MTBP: variants seen among roughly 807,000 people sequenced by gnomAD.
The protein encoded by MTBP is MDM2 binding protein.
A neutral mutation model predicts 117.0 loss-of-function variants in MTBP; 101 were observed. The ratio of observed to expected loss-of-function variants is 0.86; its 90% CI spans 0.73 to 1.02. The LOEUF (loss-of-function observed/expected upper bound fraction) is 1.02, where lower values mean the gene tolerates loss of function less well. MTBP is among the 50% of genes least tolerant of loss of function. The pLI is 0.00. For synonymous variants in MTBP, 350 were observed against 351.5 expected (o/e 1.00, Z 0.05); for missense variants, 970 against 1,030.9 (o/e 0.94, Z 0.81).
At chr8:120,480,763 C>G (rs961397719) in intron 11 of MTBP, among the ~76,000 whole-genome samples, 4 of 152,010 alleles carry the variant, frequency 2.6e-5, no homozygotes, top group African/African-American at 9.6e-5. Flanking sequence ...TAACTTAATT[C>G]AAGAGCTAAA....
chr8:120,453,865 A>G lies in MTBP; in HGVS notation c.444A>G (p.Ala148=). 1.3e-6 allele frequency: 2 copies of G among 1,584,584 alleles called. No individual in the cohort carries two copies. Among genetic ancestry groups the G allele is most frequent in the Non-Finnish European group, 1.7e-6 (2 of 1,162,290 alleles). Residue 148 remains alanine, a synonymous_variant, in exon 5 of 22, where the codon GCA becomes GCG. Transcript: ENST00000305949. Reference sequence around the variant, plus strand: ...ATTTTAGTCTCTATGAAGAAGCTGCAGAAAATTTGCATCAGCTGTCAGACA... The same window carrying G: ...ATTTTAGTCTCTATGAAGAAGCTGCGGAAAATTTGCATCAGCTGTCAGACA... ...LSLADLYEEA[A]ENLHQLSDKL... is the part of the protein sequence containing the mutation.
In MTBP at chr8:120,450,174, G is replaced by A. The variant is rs139266784; in HGVS notation, c.200-829G>A. On this transcript the variant is annotated intron_variant, in intron 2 of 21. Transcript: ENST00000305949. ...TAGAATCAGTGGTCTCAGAGGAGGT[G>A]TGGGGGATAACATTGAATTAGAAGG... 2.0e-5 allele frequency among the ~76,000 whole-genome samples: 3 copies of A among 152,270 alleles called. No homozygotes were observed. The East Asian group carries it at 5.8e-4, about 29-fold the overall frequency.
intron 10 of MTBP, 43 bp downstream of exon 10, chr8:120,463,804 T>G (rs1813630446): frequency 6.5e-7 from 1 of 1,547,942 alleles, no homozygotes; most frequent in Admixed American, 1.7e-5. Flanking sequence ...TTTGTTTTTA[T>G]ACTTGCCATT....
chr8:120,448,154 A>ATC (rs1259200260), intron 2 of MTBP, among the ~76,000 whole-genome samples: 2 of 152,064 alleles, frequency 1.3e-5, no homozygotes, highest in African/African-American at 4.8e-5. Context: ...CTGGTCTTGA[A>ATC]CACCTGGGCT....
Position 120,509,968 on chromosome 8 carries a change from C to A in MTBP, c.1918C>A (p.Pro640Thr), listed in dbSNP as rs755766704. The A allele has an allele frequency of 4.3e-6, 7 of 1,611,946 alleles. No individual in the cohort carries two copies. Among genetic ancestry groups the A allele is most frequent in the Non-Finnish European group, 5.9e-6 (7 of 1,178,948 alleles). Residue 640 changes from proline to threonine, a missense_variant, in exon 17 of 22, where the codon CCT becomes ACT. Transcript: ENST00000305949. ...TTTTGTTTTGACACCAGAACTTAGT[C>A]CTGGGAAACTTCAGGTCTTACCTTT... ...KTFVLTPELS[P>T]GKLQVLPFEK...
chr8:120,493,464 GTGTA>G (rs1814388774), intron 13 of MTBP, among the ~76,000 whole-genome samples: 1 of 151,508 alleles, frequency 6.6e-6, no homozygotes, highest in Non-Finnish European at 1.5e-5. Context: ...GAGTGTGTGT[GTGTA>G]TGTGTGTGTG....
intron 13 of MTBP, among the ~76,000 whole-genome samples, chr8:120,494,456 A>G (rs766576888): frequency 5.9e-5 from 9 of 152,210 alleles, no homozygotes; most frequent in Non-Finnish European, 2.9e-5. Flanking sequence ...GCAAACAGCA[A>G]TGCACTACCC....
chr8:120,499,391 AT>A (rs1044139275), intron 14 of MTBP, among the ~76,000 whole-genome samples: 17 of 150,894 alleles, frequency 1.1e-4, no homozygotes, highest in Admixed American at 4.6e-4. Context: ...TCTCCCTGTA[AT>A]TTTTTTTTCA....
rs1814605727 is a variant in MTBP at position 120,502,455 on chromosome 8, A to T, written c.1610-37A>T. ...TTTATTAGCAAAATTCAGTATGATA[A>T]TACTTTTCAGACTTATGTGTATTTC... is the stretch of plus-strand genomic sequence containing the variant. On this transcript the variant is annotated intron_variant, in intron 14 of 21. Coordinates refer to ENST00000305949, the MANE Select transcript of MTBP (RefSeq NM_022045.5). 4.3e-6 allele frequency: 6 copies of T among 1,388,204 alleles called. No individual in the cohort carries two copies. In the African/African-American group the frequency reaches 4.4e-5, roughly 10 times the overall value. The allele number at this position is 1,388,204 out of a possible 1,614,324, so 86.0% of individuals were successfully genotyped here.
intron 7 of MTBP, among the ~76,000 whole-genome samples, chr8:120,458,172 A>T (rs956255174): frequency 1.3e-5 from 2 of 152,160 alleles, no homozygotes; most frequent in Admixed American, 6.5e-5. Flanking sequence ...TTTTTGGTAG[A>T]GAACAGCTTT....
chr8:120,501,441 TGGGAG>T (rs1201597051), intron 14 of MTBP, among the ~76,000 whole-genome samples: 1 of 150,098 alleles, frequency 6.7e-6, no homozygotes, highest in Non-Finnish European at 1.5e-5. Flanking sequence ...CCCAGCTACT[TGGGAG>T]CCTGAGGCAG....
intron 20 of MTBP, 67 bp from the exon 21 acceptor site, chr8:120,522,584 TTAA>T (rs1244005201): frequency 1.1e-5 from 11 of 1,028,142 alleles, no homozygotes; most frequent in Admixed American, 6.6e-5. Flanking sequence ...TCAAGTGTAT[TTAA>T]TAATAATGAG....
At position 120,451,012 on chromosome 8, in the gene MTBP, T is replaced by A. The variant is rs760357829; in HGVS notation, c.209T>A (p.Val70Glu). ...TGGTTTTATTTTCAAGCCTGTTCAG[T>A]GGGAGGTATACCTGGTTCCAAGAAG... ...PEDSTFPACSVGGIPGSKKWF... is the reference protein window; with the variant it reads ...PEDSTFPACSEGGIPGSKKWF... The change falls in exon 3 of 22, where the codon GTG (valine) becomes GAG (glutamate). Residue 70 changes from valine to glutamate, a missense_variant. Val to Glu is a moderately radical substitution (Grantham distance 121). Coordinates refer to ENST00000305949, the MANE Select transcript of MTBP (RefSeq NM_022045.5). 2 of 1,610,618 alleles carry A rather than the reference T, an allele frequency of 1.2e-6. No individual in the cohort carries two copies. The highest frequency in any genetic ancestry group is 2.7e-5 in the African/African-American group (2 of 74,758).
At chr8:120,481,133 AT>A (rs1814074493) in intron 11 of MTBP, among the ~76,000 whole-genome samples, 1 of 152,192 alleles carries the variant, frequency 6.6e-6, no homozygotes, top group South Asian at 2.1e-4. Flanking sequence ...CCAAAATGTG[AT>A]TCTACAACAC....
chr8:120,457,817 A>C (rs935737958), intron 7 of MTBP, among the ~76,000 whole-genome samples: 1 of 151,896 alleles, frequency 6.6e-6, no homozygotes, highest in Non-Finnish European at 1.5e-5. Context: ...CCAGCTACTC[A>C]AGAGGCTGGG....
intron 11 of MTBP, among the ~76,000 whole-genome samples, chr8:120,485,582 A>T (rs534870167): frequency 6.6e-6 from 1 of 152,058 alleles, no homozygotes; most frequent in African/African-American, 2.4e-5. Context: ...CGTATTTATA[A>T]TGTTTGCTTT....
At chr8:120,457,780 C>T (rs1049488042) in intron 7 of MTBP, among the ~76,000 whole-genome samples, 5 of 151,704 alleles carry the variant, frequency 3.3e-5, no homozygotes, top group East Asian at 1.9e-4. Flanking sequence ...AAAAATTAGC[C>T]GGGCGTGGTG....
intron 20 of MTBP, among the ~76,000 whole-genome samples, chr8:120,519,561 G>A (rs1302835477): frequency 6.6e-6 from 1 of 152,046 alleles, no homozygotes; most frequent in Non-Finnish European, 1.5e-5. Context: ...TGGGTTTCTG[G>A]TTAAAACTGC....
chr8:120,501,386 T>C (rs1814583792), intron 14 of MTBP, among the ~76,000 whole-genome samples: 1 of 145,388 alleles, frequency 6.9e-6, no homozygotes, highest in Non-Finnish European at 1.5e-5. Flanking sequence ...AAAAATAAAA[T>C]AAAAATACAA....
Sources: allele counts gnomAD v4.1 joint callset (sites outside exome capture counted in the v4.1 genomes callset), GRCh38; gene constraint gnomAD v4.1.1; transcripts MANE v1.5; gene names NCBI Gene and HGNC (gene_info 2026-07-23, HGNC 2026-07-21).